The following DYNC1I1 variants were observed in gnomAD, a reference collection of about 807,000 sequenced individuals.
The protein encoded by DYNC1I1 is cytoplasmic dynein 1 intermediate chain 1.
DYNC1I1 carries 43 observed loss-of-function variants against 86.6 expected under a neutral mutation model. That is an observed-to-expected ratio of 0.50 (90% CI 0.39 to 0.64). DYNC1I1 has a LOEUF of 0.64. Ranked by LOEUF, DYNC1I1 falls within the 30% of genes least tolerant of loss-of-function variation. The pLI is 0.00. For synonymous variants in DYNC1I1, 262 were observed against 283.7 expected, an observed-to-expected ratio of 0.92 and a Z score of 0.77; for missense variants, 604 against 788.8, an observed-to-expected ratio of 0.77 and a Z score of 2.81.
At chr7:95,954,071 C>T (rs976857443) in intron 6 of DYNC1I1, among the ~76,000 whole-genome samples, 5 of 151,926 alleles carry the variant, frequency 3.3e-5, no homozygotes, top group African/African-American at 4.8e-5. Context: ...AAAACATGAA[C>T]TCCAAGGCAG....
intron 14 of DYNC1I1, among the ~76,000 whole-genome samples, chr7:96,065,487 C>G (rs1789947809): frequency 1.3e-5 from 2 of 150,500 alleles, no homozygotes; most frequent in African/African-American, 4.9e-5. Flanking sequence ...AATTGATCCT[C>G]CCACCTCAGC....
chr7:96,103,427 A>G (rs1791166277), intron 16 of DYNC1I1, among the ~76,000 whole-genome samples: 1 of 152,134 alleles, frequency 6.6e-6, no homozygotes, highest in Admixed American at 6.5e-5. Context: ...CTCTGTCATG[A>G]TTCTGGCAGC....
chr7:95,856,990 A>G lies in DYNC1I1; in HGVS notation c.375-12893A>G, dbSNP rs1013057884. ...TGAGAATCCGTCTCAGAAAAAAAAA[A>G]GAAAAAAAGAAAAAGTTGGTTTGCC... On this transcript the variant is annotated intron_variant, in intron 5 of 16. Transcript: ENST00000447467. Among the ~76,000 whole-genome samples, 4 of 152,204 alleles carry G rather than the reference A, an allele frequency of 2.6e-5. No individual in the cohort carries two copies. In the South Asian group the frequency reaches 6.2e-4, roughly 24 times the overall value.
At chr7:95,836,557 C>G (rs6977240) in intron 5 of DYNC1I1, among the ~76,000 whole-genome samples, 95,442 of 150,894 alleles carry the variant, frequency 0.63, 31,006 homozygotes, top group African/African-American at 0.77. Context: ...ATATCCTGCA[C>G]AGTGTTTTCC....
chr7:95,876,816 A>G (rs1235578661), intron 6 of DYNC1I1, among the ~76,000 whole-genome samples: 1 of 152,198 alleles, frequency 6.6e-6, no homozygotes, highest in Non-Finnish European at 1.5e-5. Flanking sequence ...CAAGAGATAG[A>G]GCACATGGGG....
chr7:95,861,780 G>A (rs555743104), intron 5 of DYNC1I1, among the ~76,000 whole-genome samples: 3 of 152,282 alleles, frequency 2.0e-5, no homozygotes, highest in East Asian at 1.9e-4. Context: ...GAAGTCATGC[G>A]AAGGTGTTCT....
intron 14 of DYNC1I1, among the ~76,000 whole-genome samples, chr7:96,057,271 C>T (rs1357587316): frequency 1.3e-5 from 2 of 152,042 alleles, no homozygotes; most frequent in African/African-American, 2.4e-5. Context: ...TCAGTCTGTG[C>T]GAGTCAGAGT....
chr7:95,820,394 G>A lies in DYNC1I1; in HGVS notation c.314+7057G>A, dbSNP rs117113029. On this transcript the variant is annotated intron_variant, in intron 4 of 16. Transcript: ENST00000447467. ...TATTTCATGTATTACTTTTGGAAAC[G>A]GCATTTTAAAAATTAGATATTTAGC... is the stretch of plus-strand genomic sequence containing the variant. Among the ~76,000 whole-genome samples the A allele has an allele frequency of 6.4e-3, 975 of 152,250 alleles. 21 individuals carry two copies. The highest frequency in any genetic ancestry group is 0.03 in the East Asian group (154 of 5,180).
intron 14 of DYNC1I1, among the ~76,000 whole-genome samples, chr7:96,050,850 T>TA (rs1485659814): frequency 6.6e-6 from 1 of 152,136 alleles, no homozygotes; most frequent in African/African-American, 2.4e-5. Context: ...TAGAGGATAG[T>TA]AAAAAAACTA....
intron 6 of DYNC1I1, among the ~76,000 whole-genome samples, chr7:95,874,752 C>T (rs1790264155): frequency 6.6e-6 from 1 of 152,126 alleles, no homozygotes; most frequent in Admixed American, 6.5e-5. Context: ...AGAAAGAGAG[C>T]TTTCACCAGA....
At chr7:95,981,007 G>T (rs749072783) in intron 7 of DYNC1I1, among the ~76,000 whole-genome samples, 3 of 151,756 alleles carry the variant, frequency 2.0e-5, no homozygotes, top group Non-Finnish European at 4.4e-5. Flanking sequence ...TGGCTACATG[G>T]GTTTTATTTT....
At chr7:96,093,638 G>A (rs1218864207) in intron 16 of DYNC1I1, among the ~76,000 whole-genome samples, 5 of 152,132 alleles carry the variant, frequency 3.3e-5, no homozygotes, top group African/African-American at 9.7e-5. Flanking sequence ...GAACTCAGTC[G>A]ATGAAGCAGT....
intron 10 of DYNC1I1, among the ~76,000 whole-genome samples, chr7:96,020,281 T>G (rs991901144): frequency 1.3e-5 from 2 of 151,986 alleles, no homozygotes; most frequent in Admixed American, 1.3e-4. Context: ...TAATATGGAC[T>G]TACAGTTCCA....
At chr7:95,815,116 G>A (rs1794918959) in intron 4 of DYNC1I1, among the ~76,000 whole-genome samples, 1 of 152,108 alleles carries the variant, frequency 6.6e-6, no homozygotes, top group Non-Finnish European at 1.5e-5. Context: ...TGACTTCACA[G>A]TTGAGGAGCC....
intron 6 of DYNC1I1, among the ~76,000 whole-genome samples, chr7:95,871,763 A>T (rs561159468): frequency 3.7e-4 from 56 of 152,252 alleles, no homozygotes; most frequent in Non-Finnish European, 7.1e-4. Context: ...CTGCAAGGAG[A>T]GCTTGGGAGC....
rs931229765 is a variant in DYNC1I1 at position 95,839,104 on chromosome 7, C to T, written c.374+10988C>T. On this transcript the variant is annotated intron_variant, in intron 5 of 16. Coordinates refer to ENST00000447467, the MANE Select transcript of DYNC1I1 (RefSeq NM_001135556.2). ...GGAGTGCAGTGGTGCGATCTTGGCT[C>T]ACTGCAACCTCCGCCTCCCAGGTTC... Among the ~76,000 whole-genome samples, 6 of 152,258 alleles carry T rather than the reference C, an allele frequency of 3.9e-5. No individual in the cohort carries two copies. In the East Asian group the frequency reaches 7.7e-4, roughly 20 times the overall value.
chr7:95,777,763 C>T (rs567959823), intron 1 of DYNC1I1, among the ~76,000 whole-genome samples: 5 of 152,186 alleles, frequency 3.3e-5, no homozygotes, highest in East Asian at 3.9e-4. Flanking sequence ...CTATAGAGGA[C>T]GATTGTACTT....
intron 9 of DYNC1I1, among the ~76,000 whole-genome samples, chr7:95,995,742 C>T (rs749883706): frequency 9.9e-5 from 15 of 152,026 alleles, no homozygotes; most frequent in Non-Finnish European, 1.6e-4. Flanking sequence ...TGATAGTTAC[C>T]GGTGAGTATG....
chr7:95,986,724 C>T (rs1419046596), intron 8 of DYNC1I1, among the ~76,000 whole-genome samples: 1 of 151,740 alleles, frequency 6.6e-6, no homozygotes, highest in East Asian at 2.0e-4. Flanking sequence ...TCTAATAAGC[C>T]CTGCTTCAGG....
Sources: gnomAD v4.1 joint callset for allele counts (sites outside exome capture counted in the v4.1 genomes callset) on GRCh38, gnomAD v4.1.1 for gene constraint, MANE v1.5 for transcripts, NCBI Gene and HGNC (gene_info 2026-07-23, HGNC 2026-07-21) for gene names.